The following CERT1 variants were observed in gnomAD, a reference collection of about 807,000 sequenced individuals.
CERT1 encodes ceramide transporter 1.
In CERT1, 31 loss-of-function variants were observed where a neutral mutation model predicts 87.9. The observed-to-expected ratio is 0.35, with a 90% confidence interval of 0.27 to 0.48. CERT1 has a LOEUF of 0.48. Ranked by LOEUF, CERT1 falls within the 20% of genes least tolerant of loss-of-function variation. CERT1 has a pLI of 0.99. For missense variants in CERT1, 487 were observed against 758.0 expected, an observed-to-expected ratio of 0.64 and a Z score of 4.20; for synonymous variants, 289 against 250.9, an observed-to-expected ratio of 1.15 and a Z score of -1.44.
intron 2 of CERT1, among the ~76,000 whole-genome samples, chr5:75,477,393 G>A (rs1008818371): frequency 5.3e-5 from 8 of 151,600 alleles, no homozygotes; most frequent in South Asian, 2.1e-4. Context: ...GATAAAATAC[G>A]GTAAAATTGG....
At chr5:75,388,599 C>CAT (rs59799780) in intron 12 of CERT1, among the ~76,000 whole-genome samples, 3,552 of 90,826 alleles carry the variant, frequency 0.039, 94 homozygotes, top group Middle Eastern at 0.057. Flanking sequence ...AGCATGCATG[C>CAT]ATATATATAT....
At chr5:75,424,427 C>G (rs1167317037) in intron 5 of CERT1, among the ~76,000 whole-genome samples, 1 of 151,976 alleles carries the variant, frequency 6.6e-6, no homozygotes, top group African/African-American at 2.4e-5. Context: ...CAAAAATTAG[C>G]TGGGCATGGT....
At chr5:75,446,032 CAT>C (rs141531622) in intron 3 of CERT1, among the ~76,000 whole-genome samples, 1,670 of 152,246 alleles carry the variant, frequency 0.011, 18 homozygotes, top group East Asian at 0.021. Context: ...AAACTTCTCA[CAT>C]GTTTATATTC....
intron 17 of CERT1, chr5:75,371,737 A>AAAGAGTAAC (rs1184970871): frequency 2.0e-5 from 3 of 152,246 alleles, no homozygotes; most frequent in Admixed American, 1.3e-4. Context: ...ACATAGCACA[A>AAAGAGTAAC]AAGAGTAACT....
At chr5:75,396,367 A>G (rs1285698564) in intron 11 of CERT1, among the ~76,000 whole-genome samples, 1 of 152,236 alleles carries the variant, frequency 6.6e-6, no homozygotes, top group Non-Finnish European at 1.5e-5. Flanking sequence ...AAGATATTAT[A>G]AAACAAAGAA....
intron 3 of CERT1, among the ~76,000 whole-genome samples, chr5:75,448,932 C>G (rs1335738696): frequency 5.3e-5 from 8 of 151,992 alleles, no homozygotes; most frequent in Non-Finnish European, 8.8e-5. Context: ...GAGAAATAAG[C>G]TGAAAATCTA....
chr5:75,407,354 CATG>C (rs1466239556), intron 8 of CERT1, among the ~76,000 whole-genome samples: 2 of 151,144 alleles, frequency 1.3e-5, no homozygotes, highest in African/African-American at 4.9e-5. Context: ...CCCTTCTAAG[CATG>C]ATACCAAATG....
At chr5:75,392,464 T>C (rs1762067045) in intron 11 of CERT1, among the ~76,000 whole-genome samples, 2 of 152,158 alleles carry the variant, frequency 1.3e-5, no homozygotes, top group Admixed American at 1.3e-4. Flanking sequence ...TCATTCATGA[T>C]AATATCTTCC....
chr5:75,384,573 T>C, intron 14 of CERT1, 69 bp downstream of exon 14: 1 of 1,093,812 alleles, frequency 9.1e-7, no homozygotes, highest in South Asian at 1.4e-5. Context: ...CAATTTTACT[T>C]TAGAGAATCT....
At chr5:75,406,824 T>C (rs776496269) in intron 8 of CERT1, among the ~76,000 whole-genome samples, 2 of 152,110 alleles carry the variant, frequency 1.3e-5, no homozygotes, top group Non-Finnish European at 2.9e-5. Flanking sequence ...GTATTACAGA[T>C]GTGAGCCACC....
At chr5:75,388,768 G>GT (rs1761917650) in intron 12 of CERT1, among the ~76,000 whole-genome samples, 1 of 151,556 alleles carries the variant, frequency 6.6e-6, no homozygotes, top group South Asian at 2.1e-4. Flanking sequence ...GGGACTACAA[G>GT]TGTGTGGTAC....
chr5:75,446,663 A>G (rs1454574756), intron 3 of CERT1, among the ~76,000 whole-genome samples: 1 of 151,450 alleles, frequency 6.6e-6, no homozygotes, highest in Non-Finnish European at 1.5e-5. Context: ...GTTATTTGTT[A>G]TTGTTATTTT....
intron 12 of CERT1, among the ~76,000 whole-genome samples, chr5:75,388,692 C>T (rs1428995316): frequency 2.7e-5 from 4 of 147,224 alleles, no homozygotes; most frequent in African/African-American, 9.9e-5. Flanking sequence ...GTGGCACAAA[C>T]GCGGCTCATT....
intron 2 of CERT1, among the ~76,000 whole-genome samples, chr5:75,470,471 A>C (rs929706562): frequency 6.6e-6 from 1 of 152,138 alleles, no homozygotes; most frequent in African/African-American, 2.4e-5. Context: ...GTTCAACACA[A>C]ACAAATCAAT....
At chr5:75,388,235 ATCTG>A (rs1275687551) in intron 12 of CERT1, among the ~76,000 whole-genome samples, 1 of 152,040 alleles carries the variant, frequency 6.6e-6, no homozygotes, top group African/African-American at 2.4e-5. Context: ...TATCTCATTT[ATCTG>A]TCTGTTTTAT....
chr5:75,432,587 A>G (rs1175136356), intron 3 of CERT1, among the ~76,000 whole-genome samples: 1 of 152,196 alleles, frequency 6.6e-6, no homozygotes, highest in East Asian at 1.9e-4. Context: ...TAAGTTCCTT[A>G]TATTCTGGAT....
chr5:75,458,058 C>T (rs185065826), intron 3 of CERT1, among the ~76,000 whole-genome samples: 2 of 151,742 alleles, frequency 1.3e-5, no homozygotes, highest in African/African-American at 2.4e-5. Context: ...GAAACTCAAA[C>T]GAACAAGTAT....
At chr5:75,379,588 CTT>C in intron 16 of CERT1, 115 bp from the exon 17 acceptor site, 2 of 865,420 alleles carry the variant, frequency 2.3e-6, no homozygotes, top group Non-Finnish European at 3.4e-6. Context: ...CAATTAGCAT[CTT>C]TTTTTTTTCT....
chr5:75,511,607 T>A lies in CERT1; in HGVS notation c.-400A>T. On this transcript the variant is annotated 5_prime_UTR_variant, in exon 1 of 17. It removes an upstream start codon present in the reference 5' UTR. Coordinates refer to ENST00000643780, the MANE Select transcript of CERT1 (RefSeq NM_001379029.1). ...ACTCACACCTCCGCTACCGCCGCCA[T>A]CTTCCTGCCTGGCCCACTATTTACC... is the stretch of plus-strand genomic sequence containing the variant. The A allele has an allele frequency of 6.8e-7, 1 of 1,467,828 alleles. No individual in the cohort carries two copies. Among genetic ancestry groups the A allele is most frequent in the South Asian group, 1.4e-5 (1 of 72,394 alleles). 90.9% of individuals were successfully genotyped at this position (1,467,828 alleles called of 1,614,324 possible). A position where few individuals can be genotyped will look rare whatever the true frequency, so the allele number is the denominator to read the frequency against.
Sources: allele counts gnomAD v4.1 joint callset (sites outside exome capture counted in the v4.1 genomes callset), GRCh38; gene constraint gnomAD v4.1.1; transcripts MANE v1.5; gene names NCBI Gene and HGNC (gene_info 2026-07-23, HGNC 2026-07-21).